FAM149A: variants seen among roughly 807,000 people sequenced by gnomAD.
FAM149A encodes family with sequence similarity 149 member A.
In FAM149A, 71 loss-of-function variants were observed where a neutral mutation model predicts 78.2. The ratio of observed to expected loss-of-function variants is 0.91; its 90% CI spans 0.75 to 1.11. FAM149A has a LOEUF of 1.11. Ranked by LOEUF, FAM149A falls within the 50% of genes least tolerant of loss-of-function variation. FAM149A has a pLI of 0.00. For missense variants in FAM149A, 1,036 were observed against 971.0 expected, an observed-to-expected ratio of 1.07 and a Z score of -0.89; for synonymous variants, 446 against 410.5, an observed-to-expected ratio of 1.09 and a Z score of -1.04.
chr4:186,117,161 A>G (rs1487304061), intron 1 of FAM149A, among the ~76,000 whole-genome samples: 3 of 152,268 alleles, frequency 2.0e-5, no homozygotes, highest in Non-Finnish European at 4.4e-5. Flanking sequence ...TAAGCACTTA[A>G]TAAATATCTA....
intron 8 of FAM149A, chr4:186,158,643 C>G (rs982650539): frequency 2.0e-5 from 6 of 299,866 alleles, no homozygotes; most frequent in Middle Eastern, 1.3e-3. Flanking sequence ...ACACTGCCGC[C>G]CAGGTTGAGG....
intron 1 of FAM149A, 149 bp downstream of exon 1, chr4:186,105,791 C>T (rs2099308509): frequency 2.2e-6 from 1 of 462,240 alleles, no homozygotes; most frequent in Non-Finnish European, 2.9e-6. Flanking sequence ...TTGCACGTTT[C>T]CTGGGTTTTT....
At chr4:186,163,397 G>C (rs780369678) in intron 9 of FAM149A, 27 bp from the exon 10 acceptor site, 11 of 1,592,656 alleles carry the variant, frequency 6.9e-6, no homozygotes, top group Middle Eastern at 2.1e-4. Flanking sequence ...ACTCGCAGCT[G>C]AGTAGCTCAC....
Position 186,146,867 on chromosome 4 carries a change from G to A in FAM149A, c.567-2306G>A, listed in dbSNP as rs756295071. On this transcript the variant is annotated intron_variant, in intron 1 of 13. Transcript: ENST00000389354. ...TAATTCTGTAGTGAAAATGAGTTCCGCATTTGAGTTGCTAATTTCGTCTTC... is the reference window on the plus strand; with the variant it reads ...TAATTCTGTAGTGAAAATGAGTTCCACATTTGAGTTGCTAATTTCGTCTTC... 26 of 985,238 alleles carry A rather than the reference G, an allele frequency of 2.6e-5. No individual in the cohort carries two copies. In the Admixed American group the frequency reaches 1.3e-3, roughly 49 times the overall value. The allele number at this position is 985,238 out of a possible 1,614,324, so 61.0% of individuals were successfully genotyped here.
intron 3 of FAM149A, 126 bp downstream of exon 3, chr4:186,149,830 C>G (rs1733331982): frequency 6.2e-6 from 3 of 485,184 alleles, no homozygotes; most frequent in Admixed American, 4.6e-5. Flanking sequence ...CATGTACATA[C>G]ATGTAAAAGC....
Position 186,163,613 on chromosome 4 carries a change from A to T in FAM149A, c.1869A>T (p.Glu623Asp). ...AAACTCCCAACATCTATAGTGACGA[A>T]GTTCTTCGGGGAACAAAACTGTGAG... Residue 623 changes from glutamate to aspartate, a missense_variant, in exon 10 of 14, where the codon GAA (glutamate) becomes GAT (aspartate). Coordinates refer to ENST00000389354, the MANE Select transcript of FAM149A (RefSeq NM_001367768.3). 6.2e-7 allele frequency: 1 copy of T among 1,614,004 alleles called. No homozygotes were observed. Among genetic ancestry groups the T allele is most frequent in the Non-Finnish European group, 8.5e-7 (1 of 1,179,906 alleles).
intron 1 of FAM149A, among the ~76,000 whole-genome samples, chr4:186,143,160 T>C (rs983104099): frequency 9.1e-6 from 1 of 109,324 alleles, no homozygotes; most frequent in African/African-American, 6.4e-5. Context: ...TTTTTTTTTT[T>C]TTTTTTTTTT....
chr4:186,108,381 A>C (rs1036783545), intron 1 of FAM149A, among the ~76,000 whole-genome samples: 6 of 151,748 alleles, frequency 4.0e-5, no homozygotes, highest in African/African-American at 1.5e-4. Flanking sequence ...TAACGCATAC[A>C]TTTTACATTT....
rs2099308412 is a variant in FAM149A at position 186,105,608 on chromosome 4, G to C, written c.532G>C (p.Gly178Arg). ...TACGCTGCCTGACATCGGCGAGGAG[G>C]GGGCCTCGGACGGCGACTCCGGGGA... Residue 178 changes from glycine (G) to arginine (R), a missense_variant, in exon 1 of 14, where the codon GGG (glycine) becomes CGG (arginine). By Grantham distance (125) the Gly-to-Arg change is moderately radical. Transcript: ENST00000389354. The C allele has an allele frequency of 1.9e-6, 2 of 1,055,876 alleles. No individual in the cohort carries two copies. The highest frequency in any genetic ancestry group is 1.7e-5 in the African/African-American group (1 of 57,752). 65.4% of individuals were successfully genotyped at this position (1,055,876 alleles called of 1,614,324 possible).
chr4:186,130,999 T>G (rs2099320545), intron 1 of FAM149A, among the ~76,000 whole-genome samples: 1 of 152,066 alleles, frequency 6.6e-6, no homozygotes, highest in Non-Finnish European at 1.5e-5. Context: ...GGGGAGTAAC[T>G]AGGTTTAGAT....
At chr4:186,158,848 G>A (rs1334903773) in intron 8 of FAM149A, 1 of 986,096 alleles carries the variant, frequency 1.0e-6, no homozygotes, top group Non-Finnish European at 1.2e-6. Flanking sequence ...GCGGTCTCAA[G>A]CTGTTCTTCC....
chr4:186,160,064 G>A (rs7683808), intron 8 of FAM149A, among the ~76,000 whole-genome samples: 28,072 of 90,304 alleles, frequency 0.31, 3,180 homozygotes, highest in East Asian at 0.42. Context: ...CATACACCAC[G>A]CACACACCAC....
At chr4:186,142,745 A>T (rs970145834) in intron 1 of FAM149A, among the ~76,000 whole-genome samples, 15 of 152,176 alleles carry the variant, frequency 9.9e-5, no homozygotes, top group African/African-American at 3.6e-4. Flanking sequence ...GTGTAGACAC[A>T]TGAGTGAAGC....
intron 4 of FAM149A, among the ~76,000 whole-genome samples, chr4:186,152,434 T>G (rs904713845): frequency 2.0e-5 from 3 of 152,058 alleles, no homozygotes; most frequent in Non-Finnish European, 2.9e-5. Context: ...AGATGGGTCT[T>G]CCCATCTCAC....
chr4:186,131,653 C>T (rs1232631749), intron 1 of FAM149A, among the ~76,000 whole-genome samples: 4 of 152,196 alleles, frequency 2.6e-5, no homozygotes, highest in Admixed American at 2.6e-4. Context: ...GTGGAAGACA[C>T]CTGATACCTC....
intron 1 of FAM149A, among the ~76,000 whole-genome samples, chr4:186,135,636 T>C (rs1195311544): frequency 6.6e-6 from 1 of 152,216 alleles, no homozygotes; most frequent in East Asian, 1.9e-4. Context: ...GCGCTGTCTA[T>C]ACCTCGTGCC....
Position 186,156,082 on chromosome 4 carries a change from G to A in FAM149A, c.1312G>A (p.Asp438Asn). 1 of 1,613,996 alleles carries A rather than the reference G, an allele frequency of 6.2e-7. No individual in the cohort carries two copies. Among genetic ancestry groups the A allele is most frequent in the Non-Finnish European group, 8.5e-7 (1 of 1,179,896 alleles). The change falls in exon 7 of 14, where the codon GAC becomes AAC. Residue 438 changes from aspartate (D) to asparagine (N), a missense_variant. Physicochemically the swap from Asp to Asn is conservative, Grantham distance 23. Around this residue, in one of 3 missense-constraint regions of FAM149A, gnomAD observed 716 missense variants for 711.8 expected, o/e 1.01. Transcript: ENST00000389354. ...CGGACTTCCTCCTGTTTCCCCGCGT[G>A]ACTGTGTCAAAGATGCCGTGGCAGC...
rs1733882461 is a variant in FAM149A, at chr4:186,154,624, T to A, written c.1215T>A (p.Phe405Leu). Residue 405 changes from phenylalanine to leucine, a missense_variant, in exon 6 of 14, where the codon TTT becomes TTA. By Grantham distance (22) the Phe-to-Leu change is conservative. Coordinates refer to ENST00000389354, the MANE Select transcript of FAM149A (RefSeq NM_001367768.3). ...GAAAGATTGAGGAGTATTTCGCTTT[T>A]GACAGAAAAGAGGAGTAAATAGAAT... The A allele has an allele frequency of 3.7e-6, 6 of 1,613,848 alleles. No individual in the cohort carries two copies. In the South Asian group the frequency reaches 5.5e-5, roughly 15 times the overall value.
At chr4:186,169,540 G>A (rs774242927) in intron 13 of FAM149A, 35 of 985,392 alleles carry the variant, frequency 3.6e-5, no homozygotes, top group South Asian at 4.7e-5. Context: ...CTCTGTCAAC[G>A]TCAGCCCACC....
Sources: gnomAD v4.1 joint callset for allele counts (sites outside exome capture counted in the v4.1 genomes callset) on GRCh38, gnomAD v4.1.1 for gene constraint, gnomAD v4.1.1 regional missense constraint, MANE v1.5 for transcripts, NCBI Gene and HGNC (gene_info 2026-07-23, HGNC 2026-07-21) for gene names.